Variants in ZNF585B observed in about 807,000 individuals in gnomAD.
ZNF585B encodes zinc finger protein 585B, also known as zinc finger protein 41-like protein.
A neutral mutation model predicts 14.0 loss-of-function variants in ZNF585B; 7 were observed. The ratio of observed to expected loss-of-function variants is 0.50; its 90% confidence interval spans 0.28 to 0.94. The LOEUF (loss-of-function observed/expected upper bound fraction) is 0.94. Among genes scored for constraint, ZNF585B ranks in the 40% least tolerant of loss-of-function variants. The pLI is 0.09. For synonymous variants in ZNF585B, 290 were observed against 317.3 expected (o/e 0.91, Z 0.91); for missense variants, 750 against 924.4 (o/e 0.81, Z 2.45).
In ZNF585B at chr19:37,189,697, C is replaced by T. The variant is rs1972378376; in HGVS notation, c.256G>A (p.Ala86Thr). The T allele has an allele frequency of 6.2e-7, 1 of 1,613,530 alleles. No individual in the cohort carries two copies. Among genetic ancestry groups the T allele is most frequent in the Admixed American group, 1.7e-5 (1 of 59,984 alleles). The part of the protein sequence containing the change: ...VMLEQGKEPW[A>T]LQGERPRHSC... Reference sequence around the variant, plus strand: ...TGACGTGGCCTCTCACCCTGCAGTGCCCATGGTTCCTTTCCTTGCTCCAAC... The same window carrying T: ...TGACGTGGCCTCTCACCCTGCAGTGTCCATGGTTCCTTTCCTTGCTCCAAC... Residue 86 changes from alanine (A) to threonine (T), a missense_variant, in exon 4 of 5, where the codon GCA (alanine) becomes ACA (threonine). Physicochemically the swap from Ala to Thr is moderately conservative, Grantham distance 58. Around this residue, in one of 2 missense-constraint regions of ZNF585B, gnomAD observed 517 missense variants for 570.3 expected, o/e 0.91. Coordinates refer to ENST00000532828, the MANE Select transcript of ZNF585B (RefSeq NM_152279.4).
At chr19:37,188,371 A>C (rs1475075540) in intron 4 of ZNF585B, among the ~76,000 whole-genome samples, 1 of 152,196 alleles carries the variant, frequency 6.6e-6, no homozygotes, top group Admixed American at 6.5e-5. Context: ...CTGTAATCCC[A>C]GCTACGTGGG....
intron 4 of ZNF585B, 88 bp from the exon 5 acceptor site, chr19:37,187,332 C>A: frequency 4.0e-6 from 4 of 1,012,296 alleles, no homozygotes; most frequent in Admixed American, 5.7e-5. Flanking sequence ...TCGTTTCTAT[C>A]ATGAATGTGT....
rs1972280903 is a variant in ZNF585B at position 37,183,175 on chromosome 19, T to G, written c.*2052A>C. The G allele has an allele frequency of 6.6e-6, 1 of 152,244 alleles. No homozygotes were observed. The highest frequency in any genetic ancestry group is 2.4e-5 in the African/African-American group (1 of 41,458). The allele number at this position is 152,244 out of a possible 1,614,324, so 9.4% of individuals were successfully genotyped here. On this transcript the variant is annotated 3_prime_UTR_variant, in exon 5 of 5. Coordinates refer to ENST00000532828, the MANE Select transcript of ZNF585B (RefSeq NM_152279.4). ...GCATCCACATGGGATTTCCTGTACC[T>G]GTTTTCCCTTCTTTAGCATCAGACC...
At chr19:37,200,893 C>G (rs1333296560) in intron 2 of ZNF585B, among the ~76,000 whole-genome samples, 1 of 151,866 alleles carries the variant, frequency 6.6e-6, no homozygotes, top group East Asian at 1.9e-4. Context: ...GAGTTTGAGA[C>G]CATCCTGCCC....
In ZNF585B at chr19:37,184,439, A is replaced by AAGAAGGAAG; in HGVS notation, c.*787_*788insCTTCCTTCT. The AAGAAGGAAG allele has an allele frequency of 2.7e-5, 2 of 74,908 alleles. 1 individual carries two copies. Among genetic ancestry groups the AAGAAGGAAG allele is most frequent in the African/African-American group, 1.2e-4 (2 of 16,958 alleles). 4.6% of individuals were successfully genotyped at this position (74,908 alleles called of 1,614,324 possible). ...AAGAGAAAGAAAGAAAAAGAAAGAA[A>AAGAAGGAAG]GAAGGAAAGAAAGAAAGAAAGAAAG... On this transcript the variant is annotated 3_prime_UTR_variant, in exon 5 of 5. Transcript: ENST00000532828.
In ZNF585B at chr19:37,187,198, A is replaced by G; in HGVS notation, c.339T>C (p.Tyr113=). The G allele has an allele frequency of 6.2e-7, 1 of 1,611,584 alleles. No homozygotes were observed. The highest frequency in any genetic ancestry group is 8.5e-7 in the Non-Finnish European group (1 of 1,179,360). ...TTTGATCTTGAGAGGAAGCTGGTTT[A>G]TAACCGATGATTTTTCTATGTTGAT... ...DHNQHRKIIG[Y]KPASSQDQKI... The change falls in exon 5 of 5, where the codon TAT becomes TAC. Residue 113 remains tyrosine (Y), a synonymous_variant. Coordinates refer to ENST00000532828, the MANE Select transcript of ZNF585B (RefSeq NM_152279.4).
chr19:37,193,901 G>A (rs953474994), intron 2 of ZNF585B, among the ~76,000 whole-genome samples: 8 of 152,168 alleles, frequency 5.3e-5, no homozygotes, highest in African/African-American at 1.9e-4. Context: ...CAACAATTTA[G>A]AGAAATGCAA....
intron 2 of ZNF585B, among the ~76,000 whole-genome samples, chr19:37,201,456 G>A (rs1242233604): frequency 6.6e-6 from 1 of 152,072 alleles, no homozygotes; most frequent in Non-Finnish European, 1.5e-5. Context: ...TACTATGAAA[G>A]CCTCATAACT....
chr19:37,209,654 C>T (rs1207125995), intron 1 of ZNF585B, among the ~76,000 whole-genome samples: 4 of 151,110 alleles, frequency 2.6e-5, no homozygotes, highest in Non-Finnish European at 5.9e-5. Context: ...TGAGGAAGAA[C>T]TAGGCCATAA....
rs1972305001 is a variant in ZNF585B, at chr19:37,184,472, GAAAGAAAGAAAGAAAGAAAGAAAGAA to G, written c.*729_*754del. On this transcript the variant is annotated 3_prime_UTR_variant, in exon 5 of 5. Transcript: ENST00000532828. ...AGAAAGAAAGAAAGAAAGAAAGAAA[GAAAGAAAGAAAGAAAGAAAGAAAGAA>G]AGAAAGAGAAAGAAAGAAAGAAAAA... is the stretch of plus-strand genomic sequence containing the variant. 5 of 110,490 alleles carry G rather than the reference GAAAGAAAGAAAGAAAGAAAGAAAGAA, an allele frequency of 4.5e-5. No homozygotes were observed. Among genetic ancestry groups the G allele is most frequent in the African/African-American group, 1.5e-4 (4 of 26,672 alleles). 6.8% of individuals were successfully genotyped at this position (110,490 alleles called of 1,614,324 possible).
chr19:37,191,616 TAAA>T (rs765780103), intron 2 of ZNF585B, among the ~76,000 whole-genome samples: 1 of 133,876 alleles, frequency 7.5e-6, no homozygotes. Flanking sequence ...AGACTCTGTC[TAAA>T]AAAAAAAAAA....
Position 37,207,209 on chromosome 19 carries a change from C to G in ZNF585B, c.-98G>C, listed in dbSNP as rs1257067448. 5.7e-6 allele frequency: 9 copies of G among 1,569,864 alleles called. No individual in the cohort carries two copies. The African/African-American group carries it at 9.4e-5, about 16-fold the overall frequency. ...CTGCTCCGAAGAGGTGGGCTGGAGT[C>G]TGGAGGAAGGTCTGGCCCAGGGACT... On this transcript the variant is annotated 5_prime_UTR_variant, in exon 2 of 5. Coordinates refer to ENST00000532828, the MANE Select transcript of ZNF585B (RefSeq NM_152279.4).
intron 2 of ZNF585B, among the ~76,000 whole-genome samples, chr19:37,193,245 G>A (rs1222123816): frequency 6.6e-6 from 1 of 152,142 alleles, no homozygotes; most frequent in East Asian, 1.9e-4. Context: ...GCCGAGGCGG[G>A]CAGATCATGA....
rs1972311579 is a variant in ZNF585B, at chr19:37,184,662, T to G, written c.*565A>C. ...CTCAACATACGCTCTGAGGTCTGTG[T>G]CTGAATACACAGGGAGTTTGTCTTA... On this transcript the variant is annotated 3_prime_UTR_variant, in exon 5 of 5. Transcript: ENST00000532828. The G allele has an allele frequency of 5.0e-6, 1 of 201,076 alleles. No homozygotes were observed. Among genetic ancestry groups the G allele is most frequent in the South Asian group, 1.8e-4 (1 of 5,426 alleles). 12.5% of individuals were successfully genotyped at this position (201,076 alleles called of 1,614,324 possible). A position where few individuals can be genotyped will look rare whatever the true frequency, so the allele number is the denominator to read the frequency against.
chr19:37,187,323 C>G, intron 4 of ZNF585B, 79 bp from the exon 5 acceptor site: 1 of 1,089,646 alleles, frequency 9.2e-7, no homozygotes, highest in Non-Finnish European at 1.3e-6. Context: ...TTTGAAGCAT[C>G]GTTTCTATCA....
In ZNF585B at chr19:37,187,045, C is replaced by G. The variant is rs772335554; in HGVS notation, c.492G>C (p.Gly164=). The G allele has an allele frequency of 6.2e-7, 1 of 1,613,152 alleles. No homozygotes were observed. Among genetic ancestry groups the G allele is most frequent in the Non-Finnish European group, 8.5e-7 (1 of 1,179,716 alleles). The change falls in exon 5 of 5, where the codon GGG becomes GGC. Residue 164 remains glycine, a synonymous_variant. Transcript: ENST00000532828. ...GEKLYVCIEC[G]RAFVQKPEFI... is the part of the protein sequence containing the mutation. The stretch of plus-strand genomic sequence containing the variant: ...ATTCTGGCTTCTGTACAAAAGCCCT[C>G]CCACATTCAATACATACATAGAGTT...
At chr19:37,193,020 G>A (rs947163910) in intron 2 of ZNF585B, among the ~76,000 whole-genome samples, 1 of 150,478 alleles carries the variant, frequency 6.6e-6, no homozygotes, top group Non-Finnish European at 1.5e-5. Context: ...CTGGAATCCC[G>A]GCTACTTGGG....
At chr19:37,209,607 A>G (rs534746209) in intron 1 of ZNF585B, among the ~76,000 whole-genome samples, 43 of 151,764 alleles carry the variant, frequency 2.8e-4, no homozygotes, top group African/African-American at 1.0e-3. Flanking sequence ...AACATATTAC[A>G]CTCTTTTCAT....
chr19:37,185,195 A>G lies in ZNF585B; in HGVS notation c.*32T>C. On this transcript the variant is annotated 3_prime_UTR_variant, in exon 5 of 5. Coordinates refer to ENST00000532828, the MANE Select transcript of ZNF585B (RefSeq NM_152279.4). ...GTGCAACAGTGTACAATCAGACCCA[A>G]CCCTCAGGGGGGTTTTCTCACACTG... The G allele has an allele frequency of 6.3e-7, 1 of 1,575,780 alleles. No homozygotes were observed. The highest frequency in any genetic ancestry group is 8.6e-7 in the Non-Finnish European group (1 of 1,160,776).
Sources: allele counts gnomAD v4.1 joint callset (sites outside exome capture counted in the v4.1 genomes callset), GRCh38; gene constraint gnomAD v4.1.1; regional missense constraint gnomAD v4.1.1; transcripts MANE v1.5; gene names NCBI Gene and HGNC (gene_info 2026-07-23, HGNC 2026-07-21).